Variants in AUTS2 observed in about 807,000 individuals in gnomAD.
AUTS2 encodes the protein activator of transcription and developmental regulator AUTS2.
In AUTS2, 17 loss-of-function variants were observed where a neutral mutation model predicts 112.4. That is an observed-to-expected ratio of 0.15 (90% CI 0.10 to 0.23). The LOEUF (loss-of-function observed/expected upper bound fraction) is 0.23, where lower values mean the gene tolerates loss of function less well. Ranked by LOEUF, AUTS2 falls within the 10% of genes least tolerant of loss-of-function variation. AUTS2 has a pLI of 1.00. For missense variants in AUTS2, 1,510 were observed against 1,701.6 expected, an observed-to-expected ratio of 0.89 and a Z score of 1.98; for synonymous variants, 751 against 702.7, an observed-to-expected ratio of 1.07 and a Z score of -1.09.
intron 2 of AUTS2, among the ~76,000 whole-genome samples, chr7:70,019,822 AT>A (rs1279782658): frequency 2.0e-5 from 3 of 152,128 alleles, no homozygotes; most frequent in African/African-American, 4.8e-5. Flanking sequence ...AATTTAAAAA[AT>A]TTTCGTATGT....
intron 2 of AUTS2, among the ~76,000 whole-genome samples, chr7:70,112,661 A>G (rs1159003543): frequency 6.6e-6 from 1 of 152,018 alleles, no homozygotes; most frequent in Non-Finnish European, 1.5e-5. Flanking sequence ...TCACTATAAA[A>G]TGACTTTGAC....
At chr7:69,736,057 G>GT (rs746931646) in intron 1 of AUTS2, among the ~76,000 whole-genome samples, 30 of 152,156 alleles carry the variant, frequency 2.0e-4, no homozygotes, top group Non-Finnish European at 8.8e-5. Context: ...CCTGACATTA[G>GT]TGGGCACTCA....
intron 1 of AUTS2, among the ~76,000 whole-genome samples, chr7:69,893,452 T>G (rs1339709659): frequency 6.6e-6 from 1 of 152,204 alleles, no homozygotes; most frequent in Non-Finnish European, 1.5e-5. Context: ...AGCAAGGGAC[T>G]TGACAGACCA....
chr7:70,690,825 G>T (rs1198240621), intron 5 of AUTS2, among the ~76,000 whole-genome samples: 1 of 152,154 alleles, frequency 6.6e-6, no homozygotes, highest in East Asian at 1.9e-4. Flanking sequence ...GTTGGGCGTG[G>T]TGGTACACAC....
chr7:70,211,881 G>A (rs892245458), intron 4 of AUTS2, among the ~76,000 whole-genome samples: 2 of 148,476 alleles, frequency 1.3e-5, no homozygotes, highest in East Asian at 2.1e-4. Context: ...AGCTACTCGG[G>A]CGGCTGAGGC....
intron 3 of AUTS2, among the ~76,000 whole-genome samples, chr7:70,123,961 C>G (rs1373208794): frequency 1.3e-5 from 2 of 152,168 alleles, no homozygotes. Flanking sequence ...TGTACACTCC[C>G]ACCGATAGTT....
At chr7:70,563,614 C>T (rs920658742) in intron 5 of AUTS2, among the ~76,000 whole-genome samples, 1 of 152,200 alleles carries the variant, frequency 6.6e-6, no homozygotes. Context: ...AGCCTCACTT[C>T]CCGGAGATGG....
At chr7:70,147,523 G>A (rs12113555) in intron 4 of AUTS2, among the ~76,000 whole-genome samples, 32,504 of 151,946 alleles carry the variant, frequency 0.21, 3,455 homozygotes, top group Middle Eastern at 0.32. Context: ...AGTTTCCATG[G>A]AATCAGAAAT....
intron 4 of AUTS2, among the ~76,000 whole-genome samples, chr7:70,389,645 A>G (rs919770100): frequency 6.6e-6 from 1 of 152,132 alleles, no homozygotes; most frequent in Non-Finnish European, 1.5e-5. Flanking sequence ...CTTTATAGAA[A>G]CATTTTATGT....
At chr7:70,507,651 G>A (rs1252348302) in intron 5 of AUTS2, among the ~76,000 whole-genome samples, 1 of 151,712 alleles carries the variant, frequency 6.6e-6, no homozygotes, top group Non-Finnish European at 1.5e-5. Context: ...ACAAAAATTA[G>A]CCAGGTATGG....
intron 1 of AUTS2, among the ~76,000 whole-genome samples, chr7:69,606,587 A>C (rs1277143013): frequency 6.6e-6 from 1 of 152,122 alleles, no homozygotes; most frequent in Non-Finnish European, 1.5e-5. Flanking sequence ...TCAAGAAGCA[A>C]CTTTTTTTTT....
intron 6 of AUTS2, among the ~76,000 whole-genome samples, chr7:70,748,063 C>T (rs991039817): frequency 1.5e-5 from 2 of 136,166 alleles, no homozygotes; most frequent in African/African-American, 2.8e-5. Flanking sequence ...CTCCTGACCT[C>T]GTGATCCGCC....
chr7:70,080,587 A>G (rs1376152146), intron 2 of AUTS2, among the ~76,000 whole-genome samples: 1 of 152,230 alleles, frequency 6.6e-6, no homozygotes, highest in African/African-American at 2.4e-5. Context: ...AGTAAATTTT[A>G]TAATAAATAG....
rs767187522 is a variant in AUTS2 at position 70,631,020 on chromosome 7, C to A, written c.691-67549C>A. ...CTTTAATGAAGAAGATAAAGCGGCCCGGCTGGTGTCCCACAGGCTCGGCGC... is the reference window on the plus strand; with the variant it reads ...CTTTAATGAAGAAGATAAAGCGGCCAGGCTGGTGTCCCACAGGCTCGGCGC... On this transcript the variant is annotated intron_variant, in intron 5 of 18. Coordinates refer to ENST00000342771, the MANE Select transcript of AUTS2 (RefSeq NM_015570.4). The surrounding 1 kb of genome is among the most constrained non-coding windows in gnomAD (Gnocchi z 4.5). Among the ~76,000 whole-genome samples, 1 of 152,074 alleles carries A rather than the reference C, an allele frequency of 6.6e-6. No homozygotes were observed.
chr7:70,750,882 T>C (rs946422153), intron 6 of AUTS2, among the ~76,000 whole-genome samples: 1 of 152,220 alleles, frequency 6.6e-6, no homozygotes, highest in African/African-American at 2.4e-5. Context: ...GTGGCTTTAC[T>C]TCATCCTTGA....
chr7:69,605,553 C>G (rs188216038), intron 1 of AUTS2, among the ~76,000 whole-genome samples: 1 of 152,224 alleles, frequency 6.6e-6, no homozygotes, highest in African/African-American at 2.4e-5. Flanking sequence ...TATTGCTGCT[C>G]TTTGGCAACC....
intron 2 of AUTS2, among the ~76,000 whole-genome samples, chr7:70,108,771 T>C (rs951701058): frequency 8.8e-6 from 1 of 113,572 alleles, no homozygotes; most frequent in Admixed American, 1.2e-4. Flanking sequence ...CAGACCAGCC[T>C]GGCCAACATG....
At chr7:70,240,449 C>G (rs1223348363) in intron 4 of AUTS2, among the ~76,000 whole-genome samples, 1 of 152,176 alleles carries the variant, frequency 6.6e-6, no homozygotes, top group Non-Finnish European at 1.5e-5. Context: ...TGGTAGTACA[C>G]TTATAATCTT....
intron 1 of AUTS2, among the ~76,000 whole-genome samples, chr7:69,727,095 C>G (rs1317459105): frequency 6.6e-6 from 1 of 151,994 alleles, no homozygotes; most frequent in Non-Finnish European, 1.5e-5. Context: ...TTTTCTTACC[C>G]TAGGTTATAG....
Sources: allele counts gnomAD v4.1 joint callset (sites outside exome capture counted in the v4.1 genomes callset), GRCh38; gene constraint gnomAD v4.1.1; non-coding constraint Gnocchi (gnomAD v3.1); transcripts MANE v1.5; gene names NCBI Gene and HGNC (gene_info 2026-07-23, HGNC 2026-07-21).